Variants in AQP6 observed in about 807,000 individuals in gnomAD.
The protein encoded by AQP6 is aquaporin 6.
AQP6 carries 14 observed loss-of-function variants against 16.3 expected under a neutral mutation model. That is an observed-to-expected ratio of 0.86 (90% CI 0.57 to 1.34). AQP6 has a LOEUF of 1.34. Among genes scored for constraint, AQP6 ranks in the 40% most tolerant of loss-of-function variants. AQP6 has a pLI of 0.00. For synonymous variants in AQP6, 178 were observed against 166.8 expected (o/e 1.07, Z -0.52); for missense variants, 331 against 379.7 (o/e 0.87, Z 1.07).
At chr12:49,974,099 A>T in intron 1 of AQP6, 1 of 1,250,378 alleles carries the variant, frequency 8.0e-7, no homozygotes, top group Non-Finnish European at 1.0e-6. Context: ...CACTGGCCCC[A>T]ACCAACCCAC....
In AQP6 at chr12:49,973,920, T is replaced by A; in HGVS notation, c.402+345T>A. 7 of 1,186,974 alleles carry A rather than the reference T, an allele frequency of 5.9e-6. No individual in the cohort carries two copies. The South Asian group carries it at 1.7e-4, about 29-fold the overall frequency. 73.5% of individuals were successfully genotyped at this position (1,186,974 alleles called of 1,614,324 possible). A position where few individuals can be genotyped will look rare whatever the true frequency, so the allele number is the denominator to read the frequency against. On this transcript the variant is annotated intron_variant, in intron 1 of 3. Transcript: ENST00000315520. ...CGGGGACTTCATTTTTCTCCCAGGC[T>A]CCACCCACGTCCTCTGCTCTCCGAC...
chr12:49,975,840 T>G lies in AQP6; in HGVS notation c.*169T>G. The G allele has an allele frequency of 1.1e-6, 1 of 923,510 alleles. No homozygotes were observed. The highest frequency in any genetic ancestry group is 3.0e-5 in the East Asian group (1 of 33,056). The allele number at this position is 923,510 out of a possible 1,614,324, so 57.2% of individuals were successfully genotyped here. A position where few individuals can be genotyped will look rare whatever the true frequency, so the allele number is the denominator to read the frequency against. On this transcript the variant is annotated 3_prime_UTR_variant, in exon 4 of 4. Transcript: ENST00000315520. This position sits in a 1 kb window ranked among gnomAD's most constrained non-coding sequence, Gnocchi z 4.4. ...TACGTTTCTAGGTAGAATCTGGGAG[T>G]GAATTTGTCCCATTCCCTCTCTGTA...
At position 49,973,024 on chromosome 12, in the gene AQP6, G is replaced by A; in HGVS notation, c.-150G>A. On this transcript the variant is annotated 5_prime_UTR_variant, in exon 1 of 4. Coordinates refer to ENST00000315520, the MANE Select transcript of AQP6 (RefSeq NM_001652.4). ...TCCTGGGGACAGGAGCGTGGTGGAGGAGCTGCAGGTGGGGGCCAGAGAAGC... is the reference window on the plus strand; with the variant it reads ...TCCTGGGGACAGGAGCGTGGTGGAGAAGCTGCAGGTGGGGGCCAGAGAAGC... 1.8e-6 allele frequency: 2 copies of A among 1,084,974 alleles called. No homozygotes were observed. Among genetic ancestry groups the A allele is most frequent in the South Asian group, 1.7e-5 (1 of 59,482 alleles). 67.2% of individuals were successfully genotyped at this position (1,084,974 alleles called of 1,614,324 possible). A position where few individuals can be genotyped will look rare whatever the true frequency, so the allele number is the denominator to read the frequency against.
chr12:49,975,146 A>G lies in AQP6; in HGVS notation c.643-319A>G. 7.7e-7 allele frequency: 1 copy of G among 1,294,192 alleles called. No homozygotes were observed. The highest frequency in any genetic ancestry group is 2.3e-5 in the South Asian group (1 of 44,382). 80.2% of individuals were successfully genotyped at this position (1,294,192 alleles called of 1,614,324 possible). ...CACACACACCAGCAGAGACAGAAAC[A>G]GCAATAGCCAGGACTCCTGGCTAAA... is the stretch of plus-strand genomic sequence containing the variant. On this transcript the variant is annotated intron_variant, in intron 3 of 3. Transcript: ENST00000315520. The surrounding 1 kb of genome is among the most constrained non-coding windows in gnomAD (Gnocchi z 4.4).
Position 49,975,902 on chromosome 12 carries a change from A to T in AQP6, c.*231A>T. ...CCTCTCGGTGGGACAGAGCAGAGGA[A>T]GGCAGGGGATTTAGGATCGCCCTCC... is the stretch of plus-strand genomic sequence containing the variant. On this transcript the variant is annotated 3_prime_UTR_variant, in exon 4 of 4. Coordinates refer to ENST00000315520, the MANE Select transcript of AQP6 (RefSeq NM_001652.4). The surrounding 1 kb of genome is among the most constrained non-coding windows in gnomAD (Gnocchi z 4.4). 2.2e-6 allele frequency: 1 copy of T among 459,536 alleles called. No homozygotes were observed. The highest frequency in any genetic ancestry group is 8.0e-5 in the South Asian group (1 of 12,474). 28.5% of individuals were successfully genotyped at this position (459,536 alleles called of 1,614,324 possible). A position where few individuals can be genotyped will look rare whatever the true frequency, so the allele number is the denominator to read the frequency against.
At position 49,974,428 on chromosome 12, in the gene AQP6, A is replaced by G; in HGVS notation, c.507A>G (p.Ser169=). The change falls in exon 2 of 4, where the codon TCA becomes TCG. Residue 169 remains serine, a synonymous_variant. Coordinates refer to ENST00000315520, the MANE Select transcript of AQP6 (RefSeq NM_001652.4). ...VFASTDSRQT[S]GSPATMIGIS... is the part of the protein sequence containing the mutation. ...CTTCCACCGACAGCCGTCAGACATC[A>G]GGCTCCCCGGCCACCATGATTGGGA... is the stretch of plus-strand genomic sequence containing the variant. The G allele has an allele frequency of 6.2e-7, 1 of 1,613,438 alleles. No individual in the cohort carries two copies. Among genetic ancestry groups the G allele is most frequent in the Non-Finnish European group, 8.5e-7 (1 of 1,179,624 alleles).
At position 49,975,668 on chromosome 12, in the gene AQP6, G is replaced by T. The variant is rs1299973867; in HGVS notation, c.846G>T (p.Val282=). The T allele has an allele frequency of 6.4e-7, 1 of 1,564,334 alleles. No individual in the cohort carries two copies. The highest frequency in any genetic ancestry group is 1.2e-5 in the South Asian group (1 of 82,962). ...CGGGAGCCGTGGAGATGGAGAGTGT[G>T]TGAAACAGCCTACGCCTGGCCGCGC... ...PGSGAVEMES[V] is the part of the protein sequence containing the mutation. The change falls in exon 4 of 4, where the codon GTG becomes GTT. Residue 282 remains valine, a synonymous_variant. Coordinates refer to ENST00000315520, the MANE Select transcript of AQP6 (RefSeq NM_001652.4). This position sits in a 1 kb window ranked among gnomAD's most constrained non-coding sequence, Gnocchi z 4.4.
Position 49,976,502 on chromosome 12 carries a change from C to T in AQP6, c.*831C>T, listed in dbSNP as rs1947575308. ...CTGCCCACCTCGGCCTCCCAAAGTGCTGGGATTACAGGCGTGAGCCACCGT... is the reference window on the plus strand; with the variant it reads ...CTGCCCACCTCGGCCTCCCAAAGTGTTGGGATTACAGGCGTGAGCCACCGT... On this transcript the variant is annotated 3_prime_UTR_variant, in exon 4 of 4. Coordinates refer to ENST00000315520, the MANE Select transcript of AQP6 (RefSeq NM_001652.4). 1 of 155,056 alleles carries T rather than the reference C, an allele frequency of 6.4e-6. No individual in the cohort carries two copies. Among genetic ancestry groups the T allele is most frequent in the African/African-American group, 2.4e-5 (1 of 41,498 alleles). 9.6% of individuals were successfully genotyped at this position (155,056 alleles called of 1,614,324 possible). A position where few individuals can be genotyped will look rare whatever the true frequency, so the allele number is the denominator to read the frequency against.
rs1947566047 is a variant in AQP6 at position 49,975,585 on chromosome 12, G to A, written c.763G>A (p.Val255Met). ...GGCTATCCTCACAGGCACCGTAGAG[G>A]TGGGGACAGGGGCAGGGGCAGGGGC... is the stretch of plus-strand genomic sequence containing the variant. ...RLAILTGTVE[V>M]GTGAGAGAEP... The change falls in exon 4 of 4, where the codon GTG becomes ATG. Residue 255 changes from valine to methionine, a missense_variant. By Grantham distance (21) the Val-to-Met change is conservative (BLOSUM62 1). Transcript: ENST00000315520. The surrounding 1 kb of genome is among the most constrained non-coding windows in gnomAD (Gnocchi z 4.4). The A allele has an allele frequency of 6.2e-7, 1 of 1,610,906 alleles. No homozygotes were observed.
Position 49,975,522 on chromosome 12 carries a change from G to A in AQP6, c.700G>A (p.Val234Ile), listed in dbSNP as rs17124220. The A allele has an allele frequency of 0.031, 50,564 of 1,613,386 alleles. 3,298 individuals are homozygous for A. The highest frequency in any genetic ancestry group is 0.24 in the Admixed American group (14,171 of 59,768). ...ALLASLIYNF[V>I]LFPDTKTLAQ... ...CCTGGCCTCACTGATCTACAACTTC[G>A]TCCTGTTCCCCGACACCAAGACCCT... The change falls in exon 4 of 4, where the codon GTC becomes ATC. Residue 234 changes from valine to isoleucine, a missense_variant. By Grantham distance (29) the Val-to-Ile change is conservative (BLOSUM62 3). Coordinates refer to ENST00000315520, the MANE Select transcript of AQP6 (RefSeq NM_001652.4). The surrounding 1 kb of genome is among the most constrained non-coding windows in gnomAD (Gnocchi z 4.4).
chr12:49,973,033 G>A lies in AQP6; in HGVS notation c.-141G>A. On this transcript the variant is annotated 5_prime_UTR_variant, in exon 1 of 4. It adds an upstream start codon to the 5' untranslated region. Coordinates refer to ENST00000315520, the MANE Select transcript of AQP6 (RefSeq NM_001652.4). ...CAGGAGCGTGGTGGAGGAGCTGCAG[G>A]TGGGGGCCAGAGAAGCCTCCACAGA... The A allele has an allele frequency of 2.5e-6, 3 of 1,196,166 alleles. No homozygotes were observed. The highest frequency in any genetic ancestry group is 1.6e-5 in the South Asian group (1 of 61,812). The allele number at this position is 1,196,166 out of a possible 1,614,324, so 74.1% of individuals were successfully genotyped here.
At chr12:49,974,210 G>A (rs1484398108) in intron 1 of AQP6, 114 bp from the exon 2 acceptor site, 10 of 1,412,520 alleles carry the variant, frequency 7.1e-6, no homozygotes, top group African/African-American at 4.3e-5. Context: ...GAAGCTGGGC[G>A]GCAGTGAGGT....
chr12:49,973,859 G>A, intron 1 of AQP6: 2 of 1,244,610 alleles, frequency 1.6e-6, no homozygotes, highest in South Asian at 2.4e-5. Context: ...TGCGGCCAAG[G>A]GAGTGCGGGG....
rs770828964 is a variant in AQP6 at position 49,975,574 on chromosome 12, G to A, written c.752G>A (p.Gly251Asp). ...TLAQRLAILT[G>D]TVEVGTGAGA... The stretch of plus-strand genomic sequence containing the variant: ...GCGCAGCGGCTGGCTATCCTCACAG[G>A]CACCGTAGAGGTGGGGACAGGGGCA... Residue 251 changes from glycine (G) to aspartate (D), a missense_variant, in exon 4 of 4, where the codon GGC (glycine) becomes GAC (aspartate). Coordinates refer to ENST00000315520, the MANE Select transcript of AQP6 (RefSeq NM_001652.4). This position sits in a 1 kb window ranked among gnomAD's most constrained non-coding sequence, Gnocchi z 4.4. The A allele has an allele frequency of 6.2e-7, 1 of 1,613,082 alleles. No individual in the cohort carries two copies. The highest frequency in any genetic ancestry group is 8.5e-7 in the Non-Finnish European group (1 of 1,179,658).
chr12:49,975,286 A>T lies in AQP6; in HGVS notation c.643-179A>T. ...GGGAGGGCAGGGAGAGCAAGGGGCA[A>T]GGTCCCCTTACCTTGTGGGCTTGGG... is the stretch of plus-strand genomic sequence containing the variant. On this transcript the variant is annotated intron_variant, in intron 3 of 3. Coordinates refer to ENST00000315520, the MANE Select transcript of AQP6 (RefSeq NM_001652.4). This position sits in a 1 kb window ranked among gnomAD's most constrained non-coding sequence, Gnocchi z 4.4. 7.2e-7 allele frequency: 1 copy of T among 1,384,516 alleles called. No homozygotes were observed. Among genetic ancestry groups the T allele is most frequent in the East Asian group, 2.7e-5 (1 of 36,724 alleles). 85.8% of individuals were successfully genotyped at this position (1,384,516 alleles called of 1,614,324 possible). A position where few individuals can be genotyped will look rare whatever the true frequency, so the allele number is the denominator to read the frequency against.
chr12:49,973,945 C>G, intron 1 of AQP6: 1 of 1,170,420 alleles, frequency 8.5e-7, no homozygotes, highest in Non-Finnish European at 1.1e-6. Context: ...TGCTCTCCGA[C>G]TGTTCCCAAG....
In AQP6 at chr12:49,976,334, A is replaced by G. The variant is rs1195616048; in HGVS notation, c.*663A>G. The G allele has an allele frequency of 6.6e-6, 1 of 152,664 alleles. No homozygotes were observed. The highest frequency in any genetic ancestry group is 2.4e-5 in the African/African-American group (1 of 41,434). 9.5% of individuals were successfully genotyped at this position (152,664 alleles called of 1,614,324 possible). A position where few individuals can be genotyped will look rare whatever the true frequency, so the allele number is the denominator to read the frequency against. ...ACTGCAACCTCTACCTCCTGGGTTC[A>G]AGGGATTCTCCTGCCTCAGCCTCCC... On this transcript the variant is annotated 3_prime_UTR_variant, in exon 4 of 4. Coordinates refer to ENST00000315520, the MANE Select transcript of AQP6 (RefSeq NM_001652.4).
In AQP6 at chr12:49,975,636, C is replaced by CCGGGTT. The variant is rs1181042698; in HGVS notation, c.819_824dup (p.Ser274_Gly275dup). Reference sequence around the variant, plus strand: ...GGAGCCCCTGAAGAAGGAATCCCAGCCGGGTTCGGGAGCCGTGGAGATGGA... The same window carrying CCGGGTT: ...GGAGCCCCTGAAGAAGGAATCCCAGCCGGGTTCGGGTTCGGGAGCCGTGGAGATGGA... On this transcript the variant is annotated inframe_insertion, in exon 4 of 4. Coordinates refer to ENST00000315520, the MANE Select transcript of AQP6 (RefSeq NM_001652.4). The surrounding 1 kb of genome is among the most constrained non-coding windows in gnomAD (Gnocchi z 4.4). 16 of 1,590,504 alleles carry CCGGGTT rather than the reference C, an allele frequency of 1.0e-5. No individual in the cohort carries two copies. The highest frequency in any genetic ancestry group is 1.4e-5 in the Non-Finnish European group (16 of 1,172,336).
At chr12:49,974,702 T>C in intron 2 of AQP6, 44 bp from the exon 3 acceptor site, 1 of 1,603,476 alleles carries the variant, frequency 6.2e-7, no homozygotes, top group Non-Finnish European at 8.5e-7. Flanking sequence ...CTCTCAGGCC[T>C]GCCTTAAACC....
Sources: gnomAD v4.1 joint callset for allele counts on GRCh38, gnomAD v4.1.1 for gene constraint, Gnocchi (gnomAD v3.1) non-coding constraint, MANE v1.5 for transcripts, NCBI Gene and HGNC (gene_info 2026-07-23, HGNC 2026-07-21) for gene names.